The following NTNG2 variants were observed in gnomAD, a reference collection of about 807,000 sequenced individuals.
NTNG2 encodes the protein netrin G2, also known as netrin-G2.
A neutral mutation model predicts 47.6 loss-of-function variants in NTNG2; 15 were observed. The observed-to-expected ratio is 0.32, with a 90% CI of 0.21 to 0.49. NTNG2 has a LOEUF of 0.49. NTNG2 is among the 20% of genes least tolerant of loss of function. The probability of loss-of-function intolerance (pLI) is 0.99; values close to 1 mark genes in which losing one functional copy is unlikely to be tolerated. For synonymous variants in NTNG2, 307 were observed against 324.6 expected, an observed-to-expected ratio of 0.95 and a Z score of 0.58; for missense variants, 578 against 764.6, an observed-to-expected ratio of 0.76 and a Z score of 2.88.
At chr9:132,169,861 C>G (rs748437523) in intron 2 of NTNG2, among the ~76,000 whole-genome samples, 1 of 152,218 alleles carries the variant, frequency 6.6e-6, no homozygotes, top group Non-Finnish European at 1.5e-5. Context: ...GCTCCTTTGC[C>G]TCTCCCCAGC....
At chr9:132,238,344 C>T (rs1841769812) in intron 5 of NTNG2, among the ~76,000 whole-genome samples, 1 of 152,110 alleles carries the variant, frequency 6.6e-6, no homozygotes, top group African/African-American at 2.4e-5. Context: ...AGCCTGAGAA[C>T]CACGTAGGGG....
At chr9:132,209,873 T>C (rs1589475078) in intron 3 of NTNG2, among the ~76,000 whole-genome samples, 1 of 135,484 alleles carries the variant, frequency 7.4e-6, no homozygotes, top group African/African-American at 2.8e-5. Flanking sequence ...AGCGTTGGCG[T>C]TGGGATGGGA....
intron 1 of NTNG2, among the ~76,000 whole-genome samples, chr9:132,165,785 CT>C (rs896057753): frequency 6.6e-6 from 1 of 152,220 alleles, no homozygotes; most frequent in African/African-American, 2.4e-5. Flanking sequence ...TGAACTAACA[CT>C]CCCATAAATG....
intron 2 of NTNG2, among the ~76,000 whole-genome samples, chr9:132,188,772 C>G (rs915399170): frequency 2.0e-5 from 3 of 152,158 alleles, no homozygotes; most frequent in Non-Finnish European, 4.4e-5. Flanking sequence ...TATGACAACC[C>G]TGTGAAGCCA....
At chr9:132,188,705 T>A (rs12345236) in intron 2 of NTNG2, among the ~76,000 whole-genome samples, 63,775 of 152,038 alleles carry the variant, frequency 0.42, 14,739 homozygotes, top group African/African-American at 0.63. Flanking sequence ...CCCAGCATCC[T>A]TCACCCATGA....
At position 132,215,312 on chromosome 9, in the gene NTNG2, G is replaced by A. The variant is rs1564425283; in HGVS notation, c.858-11537G>A. Among the ~76,000 whole-genome samples, 1 of 152,170 alleles carries A rather than the reference G, an allele frequency of 6.6e-6. No homozygotes were observed. Among genetic ancestry groups the A allele is most frequent in the Non-Finnish European group, 1.5e-5 (1 of 68,030 alleles). ...GAGGCCAGTGGGGGCCAGGCATGGTGGCTTATACCTGTAATCCCAGCATTT... is the reference window on the plus strand; with the variant it reads ...GAGGCCAGTGGGGGCCAGGCATGGTAGCTTATACCTGTAATCCCAGCATTT... On this transcript the variant is annotated intron_variant, in intron 3 of 7. Transcript: ENST00000393229. The surrounding 1 kb of genome is among the most constrained non-coding windows in gnomAD (Gnocchi z 4.2).
chr9:132,192,503 AT>A, intron 2 of NTNG2, among the ~76,000 whole-genome samples: 1 of 152,260 alleles, frequency 6.6e-6, no homozygotes, highest in Non-Finnish European at 1.5e-5. Context: ...AGGCAGGAGT[AT>A]CGCTTGAACC....
intron 2 of NTNG2, among the ~76,000 whole-genome samples, chr9:132,176,020 T>G (rs1836417642): frequency 6.6e-6 from 1 of 152,120 alleles, no homozygotes; most frequent in Admixed American, 6.5e-5. Flanking sequence ...TTTTTAAAAC[T>G]CAGGTGAAGT....
chr9:132,240,748 A>C (rs1449485469), intron 6 of NTNG2, 162 bp from the exon 7 acceptor site: 1 of 1,009,728 alleles, frequency 9.9e-7, no homozygotes, highest in Admixed American at 2.3e-5. Context: ...CACCCTGGGA[A>C]GTCCCCACCT....
chr9:132,227,089 G>A (rs1050815000), intron 4 of NTNG2, 68 bp downstream of exon 4: 6 of 1,483,894 alleles, frequency 4.0e-6, no homozygotes, highest in Non-Finnish European at 5.4e-6. Context: ...AATCCCAGGA[G>A]CTGTGGATCA....
intron 3 of NTNG2, among the ~76,000 whole-genome samples, chr9:132,209,857 C>T (rs1290067213): frequency 4.3e-5 from 6 of 140,116 alleles, no homozygotes; most frequent in Admixed American, 2.2e-4. Context: ...AGGCGGGAGG[C>T]GCGGCAGCGT....
intron 2 of NTNG2, among the ~76,000 whole-genome samples, chr9:132,196,031 G>C (rs1466842701): frequency 6.6e-6 from 1 of 151,684 alleles, no homozygotes; most frequent in South Asian, 2.1e-4. Context: ...TCGGCCTCCC[G>C]GAGTGTTGGA....
chr9:132,175,100 G>A (rs754846759), intron 2 of NTNG2, among the ~76,000 whole-genome samples: 6 of 152,136 alleles, frequency 3.9e-5, no homozygotes, highest in South Asian at 4.2e-4. Flanking sequence ...GGAATGGTTC[G>A]TGCAGAGACG....
intron 3 of NTNG2, among the ~76,000 whole-genome samples, chr9:132,216,701 T>C (rs1464747574): frequency 1.3e-5 from 2 of 152,030 alleles, no homozygotes; most frequent in South Asian, 4.1e-4. Flanking sequence ...CTGGTGAGAT[T>C]GATGGTTCCT....
chr9:132,241,819 G>A, intron 7 of NTNG2, 57 bp from the exon 8 acceptor site: 2 of 1,326,970 alleles, frequency 1.5e-6, no homozygotes, highest in Non-Finnish European at 2.0e-6. Context: ...GCAGGAGCTC[G>A]GAGGTTGGCG....
intron 3 of NTNG2, among the ~76,000 whole-genome samples, chr9:132,205,303 G>A (rs750864492): frequency 1.4e-4 from 21 of 152,118 alleles, no homozygotes; most frequent in African/African-American, 2.2e-4. Context: ...CCTGACACAC[G>A]CTGCGACACA....
At chr9:132,206,958 T>C (rs1281716369) in intron 3 of NTNG2, among the ~76,000 whole-genome samples, 7 of 152,222 alleles carry the variant, frequency 4.6e-5, no homozygotes, top group Non-Finnish European at 1.0e-4. Context: ...CTCTGGTCTT[T>C]GGCTCTGCTC....
At chr9:132,177,937 G>A (rs1020979537) in intron 2 of NTNG2, among the ~76,000 whole-genome samples, 1 of 152,204 alleles carries the variant, frequency 6.6e-6, no homozygotes, top group Non-Finnish European at 1.5e-5. Flanking sequence ...GATTACAGGC[G>A]TGAGCCACAG....
At chr9:132,198,819 GT>G (rs1350912942) in intron 3 of NTNG2, among the ~76,000 whole-genome samples, 4 of 151,960 alleles carry the variant, frequency 2.6e-5, no homozygotes, top group Non-Finnish European at 4.4e-5. Context: ...TCGTTACCTG[GT>G]TCCCTGGGGG....
Sources: allele counts gnomAD v4.1 joint callset (sites outside exome capture counted in the v4.1 genomes callset), GRCh38; gene constraint gnomAD v4.1.1; non-coding constraint Gnocchi (gnomAD v3.1); transcripts MANE v1.5; gene names NCBI Gene and HGNC (gene_info 2026-07-23, HGNC 2026-07-21).